Variants in TLE4 observed in about 807,000 individuals in gnomAD.
The protein encoded by TLE4 is transducin-like enhancer protein 4.
In TLE4, 8 loss-of-function variants were observed where a neutral mutation model predicts 92.8. That is an observed-to-expected ratio of 0.09 (90% CI 0.05 to 0.16). The LOEUF (loss-of-function observed/expected upper bound fraction) is 0.16. Among genes scored for constraint, TLE4 ranks in the 10% least tolerant of loss-of-function variants. TLE4 has a pLI of 1.00. For missense variants in TLE4, 675 were observed against 997.6 expected (o/e 0.68, Z 4.36); for synonymous variants, 371 against 374.1 (o/e 0.99, Z 0.10).
intron 8 of TLE4, among the ~76,000 whole-genome samples, chr9:79,677,763 G>A (rs933151875): frequency 6.6e-6 from 1 of 152,072 alleles, no homozygotes; most frequent in Non-Finnish European, 1.5e-5. Flanking sequence ...TCCTGTTTGT[G>A]AATTTTGTAG....
At chr9:79,666,355 G>C (rs976464944) in intron 8 of TLE4, among the ~76,000 whole-genome samples, 4 of 151,734 alleles carry the variant, frequency 2.6e-5, no homozygotes, top group African/African-American at 9.7e-5. Context: ...AGCCTCCCAA[G>C]TAACTGGGAT....
chr9:79,591,895 G>A (rs917690114), intron 4 of TLE4, among the ~76,000 whole-genome samples: 6 of 149,654 alleles, frequency 4.0e-5, no homozygotes, highest in African/African-American at 1.2e-4. Context: ...AGAGGAGGAG[G>A]GAATGAATGA....
At chr9:79,610,363 T>C (rs1031584633) in intron 4 of TLE4, among the ~76,000 whole-genome samples, 5 of 152,118 alleles carry the variant, frequency 3.3e-5, no homozygotes, top group African/African-American at 4.8e-5. Flanking sequence ...CACAGTGTTA[T>C]TGGCTGATCG....
chr9:79,592,791 C>T (rs1037942188), intron 4 of TLE4, among the ~76,000 whole-genome samples: 1 of 152,088 alleles, frequency 6.6e-6, no homozygotes, highest in African/African-American at 2.4e-5. Flanking sequence ...TCTTGTATGA[C>T]TTGGCCAACA....
At chr9:79,635,503 G>T (rs1335782153) in intron 6 of TLE4, among the ~76,000 whole-genome samples, 1 of 150,390 alleles carries the variant, frequency 6.6e-6, no homozygotes, top group Non-Finnish European at 1.5e-5. Context: ...GTTTCTTGTA[G>T]AAGTTTTACA....
chr9:79,573,674 AT>A lies in TLE4; in HGVS notation c.46-13del. ...GTGATGTGGGCTAATTAAATATTTT[AT>A]TGTTGTTCTTCAGGCACCGCATCAG... On this transcript the variant is annotated splice_polypyrimidine_tract_variant and intron_variant, in intron 1 of 19. Coordinates refer to ENST00000376552, the MANE Select transcript of TLE4 (RefSeq NM_007005.6). 1 of 1,580,000 alleles carries A rather than the reference AT, an allele frequency of 6.3e-7. No individual in the cohort carries two copies.
In TLE4 at chr9:79,725,898, A is replaced by G. The variant is rs1172443121; in HGVS notation, c.*754A>G. On this transcript the variant is annotated 3_prime_UTR_variant, in exon 20 of 20. Coordinates refer to ENST00000376552, the MANE Select transcript of TLE4 (RefSeq NM_007005.6). ...GTTTTTAGTTCCCTTTTTTTGTTGTATTATAGGCAGATGAACAAATTAAAT... is the reference window on the plus strand; with the variant it reads ...GTTTTTAGTTCCCTTTTTTTGTTGTGTTATAGGCAGATGAACAAATTAAAT... The G allele has an allele frequency of 2.0e-5, 3 of 152,368 alleles. No individual in the cohort carries two copies. The highest frequency in any genetic ancestry group is 4.4e-5 in the Non-Finnish European group (3 of 67,956). The allele number at this position is 152,368 out of a possible 1,614,324, so 9.4% of individuals were successfully genotyped here.
chr9:79,591,842 G>A (rs1015943077), intron 4 of TLE4, among the ~76,000 whole-genome samples: 11 of 152,270 alleles, frequency 7.2e-5, no homozygotes, highest in African/African-American at 2.2e-4. Context: ...TGTTGATAAT[G>A]CTGCCAGGTG....
chr9:79,684,769 C>T (rs899984318), intron 8 of TLE4, among the ~76,000 whole-genome samples: 4 of 152,136 alleles, frequency 2.6e-5, no homozygotes, highest in Non-Finnish European at 4.4e-5. Flanking sequence ...GGCACTAGTC[C>T]AGAGTCTAGG....
chr9:79,584,682 G>A (rs1043817786), intron 4 of TLE4, among the ~76,000 whole-genome samples: 3 of 152,226 alleles, frequency 2.0e-5, no homozygotes, highest in African/African-American at 7.2e-5. Context: ...TATTTTTAAG[G>A]GTATATTAGG....
chr9:79,627,702 T>G (rs2052988724), intron 6 of TLE4: 1 of 448,022 alleles, frequency 2.2e-6, no homozygotes, highest in South Asian at 3.1e-5. Context: ...TTTTTCATAT[T>G]TCTTTGCTTT....
At chr9:79,670,288 A>T (rs2062084145) in intron 8 of TLE4, among the ~76,000 whole-genome samples, 1 of 152,192 alleles carries the variant, frequency 6.6e-6, no homozygotes, top group Non-Finnish European at 1.5e-5. Context: ...GACTACACCG[A>T]CTTGACTCAG....
At chr9:79,629,472 A>G (rs532000388) in intron 6 of TLE4, among the ~76,000 whole-genome samples, 4 of 152,282 alleles carry the variant, frequency 2.6e-5, no homozygotes, top group South Asian at 4.1e-4. Flanking sequence ...AGTTACTGAC[A>G]TATTGTGTTT....
chr9:79,700,201 G>A, intron 8 of TLE4, among the ~76,000 whole-genome samples: 1 of 152,176 alleles, frequency 6.6e-6, no homozygotes, highest in South Asian at 2.1e-4. Context: ...CTAAAGAGAG[G>A]CTGAGACTAA....
intron 8 of TLE4, chr9:79,671,262 C>CTTCTGGGTTCCTGTCAGTCTAAAT (rs1460205288): frequency 6.6e-6 from 3 of 456,418 alleles, no homozygotes; most frequent in South Asian, 4.6e-5. Flanking sequence ...GAGGAAGAAC[C>CTTCTGGGTTCCTGTCAGTCTAAAT]TTCTGGGTTC....
intron 8 of TLE4, among the ~76,000 whole-genome samples, chr9:79,662,410 G>A (rs2060661935): frequency 6.6e-6 from 1 of 152,074 alleles, no homozygotes; most frequent in Admixed American, 6.5e-5. Flanking sequence ...GTTATTTATT[G>A]CTCCTTATGG....
chr9:79,666,198 G>A (rs867102541), intron 8 of TLE4, among the ~76,000 whole-genome samples: 1 of 128,088 alleles, frequency 7.8e-6, no homozygotes, highest in South Asian at 2.5e-4. Flanking sequence ...TGTGTGTGTG[G>A]GTGGGGTTTT....
intron 6 of TLE4, among the ~76,000 whole-genome samples, chr9:79,652,147 T>A (rs1224162632): frequency 6.6e-6 from 1 of 152,086 alleles, no homozygotes; most frequent in African/African-American, 2.4e-5. Flanking sequence ...TAAAAATATA[T>A]ATATGTTAAT....
At chr9:79,629,682 A>G (rs757182069) in intron 6 of TLE4, among the ~76,000 whole-genome samples, 1 of 152,226 alleles carries the variant, frequency 6.6e-6, no homozygotes, top group Non-Finnish European at 1.5e-5. Context: ...CGGAAATCAC[A>G]TTATCTGACT....
Sources: allele counts gnomAD v4.1 joint callset (sites outside exome capture counted in the v4.1 genomes callset), GRCh38; gene constraint gnomAD v4.1.1; transcripts MANE v1.5; gene names NCBI Gene and HGNC (gene_info 2026-07-23, HGNC 2026-07-21).